The following ANGPT1 variants were observed in gnomAD, a reference collection of about 807,000 sequenced individuals.
ANGPT1 encodes the protein angiopoietin-1.
Under a neutral mutation model 62.2 loss-of-function variants are expected in ANGPT1, and 17 were observed. The ratio of observed to expected loss-of-function variants is 0.27; its 90% CI spans 0.19 to 0.41. ANGPT1 has a LOEUF of 0.41. Ranked by LOEUF, ANGPT1 falls within the 10% of genes least tolerant of loss-of-function variation. The pLI is 1.00. For missense variants in ANGPT1, 478 were observed against 594.9 expected (o/e 0.80, Z 2.04); for synonymous variants, 199 against 198.9 (o/e 1.00, Z 0.00).
At chr8:107,463,045 TACTCTAATCAATAA>T (rs1313719010) in intron 1 of ANGPT1, among the ~76,000 whole-genome samples, 1 of 152,144 alleles carries the variant, frequency 6.6e-6, no homozygotes, top group Non-Finnish European at 1.5e-5. Context: ...TTGAGTGACT[TACTCTAATCAATAA>T]ACTGGTAAAG....
At chr8:107,461,767 A>G in intron 1 of ANGPT1, among the ~76,000 whole-genome samples, 1 of 152,168 alleles carries the variant, frequency 6.6e-6, no homozygotes, top group East Asian at 1.9e-4. Flanking sequence ...ATTTTAATAA[A>G]TGAATGAATG....
At chr8:107,468,873 T>C (rs183328249) in intron 1 of ANGPT1, among the ~76,000 whole-genome samples, 12 of 152,178 alleles carry the variant, frequency 7.9e-5, no homozygotes, top group Admixed American at 7.2e-4. Context: ...CCTCCCCTGT[T>C]CTTGTTAATT....
intron 1 of ANGPT1, among the ~76,000 whole-genome samples, chr8:107,447,976 A>C (rs1179830798): frequency 6.6e-6 from 1 of 152,230 alleles, no homozygotes; most frequent in Non-Finnish European, 1.5e-5. Flanking sequence ...CAGAAGCTGA[A>C]GCCTCATTGA....
chr8:107,326,778 G>A (rs979679943), intron 3 of ANGPT1, among the ~76,000 whole-genome samples: 1 of 152,136 alleles, frequency 6.6e-6, no homozygotes, highest in Non-Finnish European at 1.5e-5. Flanking sequence ...ATGAGCAGAT[G>A]TTACAGACCC....
chr8:107,330,589 G>T (rs943400671), intron 3 of ANGPT1, among the ~76,000 whole-genome samples: 3 of 152,164 alleles, frequency 2.0e-5, no homozygotes, highest in African/African-American at 7.2e-5. Context: ...ATTTTAGAAA[G>T]AAGACTTTGG....
intron 1 of ANGPT1, among the ~76,000 whole-genome samples, chr8:107,460,139 A>G (rs1041300948): frequency 5.9e-5 from 9 of 152,226 alleles, no homozygotes; most frequent in Non-Finnish European, 1.2e-4. Flanking sequence ...GAAATACTCC[A>G]GGGGTCCTAA....
At chr8:107,331,478 T>A (rs1176791373) in intron 3 of ANGPT1, among the ~76,000 whole-genome samples, 1 of 152,190 alleles carries the variant, frequency 6.6e-6, no homozygotes, top group Non-Finnish European at 1.5e-5. Context: ...GACAACTACA[T>A]CAATTATACT....
intron 8 of ANGPT1, among the ~76,000 whole-genome samples, chr8:107,258,473 T>C (rs1813420314): frequency 6.6e-6 from 1 of 152,310 alleles, no homozygotes; most frequent in East Asian, 1.9e-4. Flanking sequence ...CTGAGTACAA[T>C]ACAAAATTAA....
chr8:107,270,031 A>T (rs1379061132), intron 7 of ANGPT1, among the ~76,000 whole-genome samples: 1 of 152,086 alleles, frequency 6.6e-6, no homozygotes, highest in East Asian at 1.9e-4. Context: ...AATATAGGAC[A>T]ACAGTGAGTT....
At chr8:107,453,860 T>TAA (rs71562146) in intron 1 of ANGPT1, among the ~76,000 whole-genome samples, 26 of 148,080 alleles carry the variant, frequency 1.8e-4, no homozygotes, top group East Asian at 5.9e-4. Flanking sequence ...TGCTGAGATT[T>TAA]AAAAAAAAAA....
chr8:107,492,965 A>T (rs1358725330), intron 1 of ANGPT1, among the ~76,000 whole-genome samples: 1 of 150,506 alleles, frequency 6.6e-6, no homozygotes, highest in Non-Finnish European at 1.5e-5. Context: ...TTATAGAAGT[A>T]CAAAACATTA....
chr8:107,254,694 G>A (rs1178083023), intron 8 of ANGPT1, among the ~76,000 whole-genome samples: 2 of 152,130 alleles, frequency 1.3e-5, no homozygotes, highest in Non-Finnish European at 2.9e-5. Context: ...CTTGGGATGT[G>A]TAGGGACATC....
chr8:107,337,572 C>A (rs1563575708), intron 2 of ANGPT1, among the ~76,000 whole-genome samples: 1 of 152,122 alleles, frequency 6.6e-6, no homozygotes, highest in South Asian at 2.1e-4. Context: ...AGGTATAAAA[C>A]AAAGAAAGAA....
intron 1 of ANGPT1, among the ~76,000 whole-genome samples, chr8:107,373,955 T>G (rs1297510238): frequency 6.6e-6 from 1 of 152,232 alleles, no homozygotes; most frequent in East Asian, 1.9e-4. Flanking sequence ...GTGAAATGCT[T>G]CTTTCTCCAG....
At chr8:107,421,774 A>C (rs1255869453) in intron 1 of ANGPT1, among the ~76,000 whole-genome samples, 1 of 152,226 alleles carries the variant, frequency 6.6e-6, no homozygotes, top group African/African-American at 2.4e-5. Flanking sequence ...AGTTAGTTTC[A>C]GTAAAGCAAG....
intron 7 of ANGPT1, among the ~76,000 whole-genome samples, chr8:107,276,536 T>G (rs1298722120): frequency 2.6e-5 from 4 of 152,050 alleles, no homozygotes; most frequent in Admixed American, 6.6e-5. Context: ...GGGCTTAAAT[T>G]TACATGGGAG....
chr8:107,271,418 T>C (rs935917008), intron 7 of ANGPT1, among the ~76,000 whole-genome samples: 59 of 152,040 alleles, frequency 3.9e-4, no homozygotes, highest in African/African-American at 1.3e-3. Context: ...AGTAGTTCAA[T>C]AGGCATGAAT....
chr8:107,480,567 A>AT (rs1163791592), intron 1 of ANGPT1, among the ~76,000 whole-genome samples: 1 of 152,178 alleles, frequency 6.6e-6, no homozygotes, highest in Non-Finnish European at 1.5e-5. Context: ...CACACATAGA[A>AT]TTTTTTCTTT....
At chr8:107,440,047 C>T (rs1239554160) in intron 1 of ANGPT1, among the ~76,000 whole-genome samples, 1 of 152,082 alleles carries the variant, frequency 6.6e-6, no homozygotes, top group African/African-American at 2.4e-5. Context: ...CCCTTTTCTT[C>T]CCCATGTTTA....
Sources: gnomAD v4.1 joint callset for allele counts (sites outside exome capture counted in the v4.1 genomes callset) on GRCh38, gnomAD v4.1.1 for gene constraint, MANE v1.5 for transcripts, NCBI Gene and HGNC (gene_info 2026-07-23, HGNC 2026-07-21) for gene names.